ACTR3C: variants seen among roughly 807,000 people sequenced by gnomAD.
The protein encoded by ACTR3C is actin related protein 3C, also known as actin-related protein 3C.
In ACTR3C, 18 loss-of-function variants were observed where a neutral mutation model predicts 26.3. The ratio of observed to expected loss-of-function variants is 0.68; its 90% CI spans 0.47 to 1.01. ACTR3C has a LOEUF of 1.01. Among genes scored for constraint, ACTR3C ranks in the 50% least tolerant of loss-of-function variants. The pLI, the probability that ACTR3C is intolerant of heterozygous loss-of-function variation, is 0.00. For synonymous variants in ACTR3C, 55 were observed against 94.5 expected (o/e 0.58, Z 2.42); for missense variants, 184 against 250.7 (o/e 0.73, Z 1.80).
chr7:150,088,121 A>G, the ACTR3C span, among the ~76,000 whole-genome samples: 2 of 152,202 alleles, frequency 1.3e-5, no homozygotes, highest in African/African-American at 4.8e-5. Flanking sequence ...GTGTTCTCCC[A>G]TTCTATGAAT....
chr7:150,173,852 G>A, the ACTR3C span, among the ~76,000 whole-genome samples: 384 of 148,704 alleles, frequency 2.6e-3, 1 homozygote, highest in Non-Finnish European at 4.1e-3. Flanking sequence ...CCTAGGGCAG[G>A]GGCAAAATGC....
At chr7:149,886,701 A>G in the ACTR3C span, among the ~76,000 whole-genome samples, 1 of 152,226 alleles carries the variant, frequency 6.6e-6, no homozygotes, top group South Asian at 2.1e-4. Context: ...CACACCTGTA[A>G]TCCTAGCATT....
rs1323118595 is a variant in ACTR3C, at chr7:150,274,904, CT to C, written c.564+9848del. 1.3e-5 allele frequency among the ~76,000 whole-genome samples: 2 copies of C among 152,244 alleles called. No individual in the cohort carries two copies. Among genetic ancestry groups the C allele is most frequent in the Non-Finnish European group, 2.9e-5 (2 of 68,042 alleles). On this transcript the variant is annotated intron_variant, in intron 6 of 7. Coordinates refer to ENST00000683684, the MANE Select transcript of ACTR3C (RefSeq NM_001164458.2). This position sits in a 1 kb window ranked among gnomAD's most constrained non-coding sequence, Gnocchi z 4.1. ...ATCAGCAGATCTCCTGGATGACGTT[CT>C]GGCGGTCAGCAGTCTTCTGGACACT... is the stretch of plus-strand genomic sequence containing the variant.
At chr7:150,280,829 T>TATACAC (rs560781725) in intron 6 of ACTR3C, among the ~76,000 whole-genome samples, 2 of 150,362 alleles carry the variant, frequency 1.3e-5, no homozygotes, top group African/African-American at 5.0e-5. Context: ...TATATATATA[T>TATACAC]ACACACACAC....
the ACTR3C span, among the ~76,000 whole-genome samples, chr7:149,887,996 CT>C: frequency 2.4e-3 from 362 of 151,080 alleles, no homozygotes; most frequent in African/African-American, 6.3e-3. Flanking sequence ...CCAATTAAAT[CT>C]TTTTTTTTCC....
chr7:150,305,562 C>T (rs1362422034), intron 1 of ACTR3C, among the ~76,000 whole-genome samples: 1 of 152,172 alleles, frequency 6.6e-6, no homozygotes, highest in Non-Finnish European at 1.5e-5. Flanking sequence ...CATTGCTGGT[C>T]GTCTGCATGT....
chr7:150,042,338 G>A, the ACTR3C span, among the ~76,000 whole-genome samples: 23 of 116,786 alleles, frequency 2.0e-4, no homozygotes, highest in African/African-American at 7.7e-4. Context: ...TCCCTGCCTC[G>A]CGGGGGGTGC....
the ACTR3C span, among the ~76,000 whole-genome samples, chr7:150,018,524 G>C: frequency 0.98 from 145,474 of 148,860 alleles, 71,460 homozygotes; most frequent in Non-Finnish European, 1. Flanking sequence ...AACCAGGTGG[G>C]TTTCCTTGAT....
At chr7:150,225,188 A>C in the ACTR3C span, among the ~76,000 whole-genome samples, 1 of 152,140 alleles carries the variant, frequency 6.6e-6, no homozygotes, top group Admixed American at 6.5e-5. Flanking sequence ...TGGTATTAGA[A>C]ACTAATATCT....
chr7:149,974,730 T>C, the ACTR3C span, among the ~76,000 whole-genome samples: 1 of 152,032 alleles, frequency 6.6e-6, no homozygotes, highest in Non-Finnish European at 1.5e-5. Flanking sequence ...GTCCATTGTT[T>C]CTAAAGCTGT....
the ACTR3C span, chr7:149,892,480 A>G: frequency 1.5e-6 from 2 of 1,321,916 alleles, no homozygotes; most frequent in South Asian, 3.6e-5. Context: ...ATCCTAATAT[A>G]CACACAAGTA....
At chr7:150,270,618 C>G (rs1834373735) in intron 6 of ACTR3C, among the ~76,000 whole-genome samples, 1 of 151,992 alleles carries the variant, frequency 6.6e-6, no homozygotes. Context: ...CGCCACCCCC[C>G]CGCCCTGCAG....
chr7:149,945,551 G>A, the ACTR3C span, among the ~76,000 whole-genome samples: 1 of 152,158 alleles, frequency 6.6e-6, no homozygotes, highest in Non-Finnish European at 1.5e-5. Flanking sequence ...CAGGGTGAAG[G>A]GCAGTCCAGG....
intron 1 of ACTR3C, 151 bp downstream of exon 1, chr7:150,323,317 AC>A: frequency 3.7e-6 from 1 of 267,144 alleles, no homozygotes; most frequent in Non-Finnish European, 7.4e-6. Context: ...CAGAGCGCCC[AC>A]TACGGCCTTT....
the ACTR3C span, among the ~76,000 whole-genome samples, chr7:149,986,907 C>T: frequency 1.4e-5 from 2 of 141,930 alleles, no homozygotes; most frequent in East Asian, 4.0e-4. Context: ...AGCTATTTTG[C>T]ATTCTGTTGC....
the ACTR3C span, among the ~76,000 whole-genome samples, chr7:150,181,255 C>T: frequency 2.7e-5 from 4 of 150,454 alleles, no homozygotes; most frequent in Non-Finnish European, 5.9e-5. Context: ...TAAACTATTA[C>T]ATTTGAAATA....
the ACTR3C span, among the ~76,000 whole-genome samples, chr7:149,917,713 T>C: frequency 1.3e-5 from 2 of 148,698 alleles, no homozygotes; most frequent in Non-Finnish European, 3.0e-5. Flanking sequence ...CATAGCTCAT[T>C]GCAGCATTGA....
At chr7:150,105,223 C>T in the ACTR3C span, among the ~76,000 whole-genome samples, 2 of 151,676 alleles carry the variant, frequency 1.3e-5, no homozygotes, top group Admixed American at 1.3e-4. Context: ...GCTGAGACTA[C>T]AGGCATCCAC....
the ACTR3C span, chr7:150,073,703 T>C: frequency 1.3e-5 from 2 of 150,390 alleles, no homozygotes; most frequent in South Asian, 2.2e-4. Flanking sequence ...TGGATTCTGA[T>C]TTTATATTCA....
Sources: gnomAD v4.1 joint callset for allele counts (sites outside exome capture counted in the v4.1 genomes callset) on GRCh38, gnomAD v4.1.1 for gene constraint, Gnocchi (gnomAD v3.1) non-coding constraint, MANE v1.5 for transcripts, NCBI Gene and HGNC (gene_info 2026-07-23, HGNC 2026-07-21) for gene names.